Variants in SLC3A2 observed in about 807,000 individuals in gnomAD.
The protein encoded by SLC3A2 is solute carrier family 3 member 2, also known as amino acid transporter heavy chain SLC3A2.
SLC3A2 carries 32 observed loss-of-function variants against 48.5 expected under a neutral mutation model. The observed-to-expected ratio is 0.66, with a 90% CI of 0.50 to 0.89. The LOEUF (loss-of-function observed/expected upper bound fraction) is 0.89. Ranked by LOEUF, SLC3A2 falls within the 40% of genes least tolerant of loss-of-function variation. The pLI, the probability that SLC3A2 is intolerant of heterozygous loss-of-function variation, is 0.00. For synonymous variants in SLC3A2, 277 were observed against 288.8 expected, an observed-to-expected ratio of 0.96 and a Z score of 0.41; for missense variants, 587 against 680.7, an observed-to-expected ratio of 0.86 and a Z score of 1.53.
Position 62,881,223 on chromosome 11 carries a change from A to G in SLC3A2, c.200A>G (p.Glu67Gly). Residue 67 changes from glutamate to glycine, a missense_variant, in exon 1 of 9, where the codon GAG (glutamate) becomes GGG (glycine). By Grantham distance (98) the Glu-to-Gly change is moderately conservative. Coordinates refer to ENST00000338663, the MANE Select transcript of SLC3A2 (RefSeq NM_001013251.3). This position sits in a 1 kb window ranked among gnomAD's most constrained non-coding sequence, Gnocchi z 4.0. The part of the protein sequence containing the change: ...AAKFTGLSKE[E>G]LLKVAGSPGW... ...AAGTTCACGGGCCTGTCCAAGGAGGAGCTGCTGAAGGTGGCAGGCAGCCCC... is the reference window on the plus strand; with the variant it reads ...AAGTTCACGGGCCTGTCCAAGGAGGGGCTGCTGAAGGTGGCAGGCAGCCCC... 4 of 1,587,570 alleles carry G rather than the reference A, an allele frequency of 2.5e-6. No individual in the cohort carries two copies. The highest frequency in any genetic ancestry group is 3.4e-6 in the Non-Finnish European group (4 of 1,168,612).
intron 7 of SLC3A2, among the ~76,000 whole-genome samples, chr11:62,886,157 G>T (rs753315926): frequency 1.4e-4 from 21 of 152,106 alleles, no homozygotes; most frequent in Non-Finnish European, 2.8e-4. Flanking sequence ...AGGTGTGGTG[G>T]TGCACGCCTG....
chr11:62,871,542 A>G (rs1453615714), intron 1 of SLC3A2: 1 of 608,970 alleles, frequency 1.6e-6, no homozygotes, highest in Admixed American at 2.3e-5. Context: ...GCCCAACCAT[A>G]CTTTATATAA....
At chr11:62,856,358 G>C in exon 1 of SLC3A2, 1 of 1,612,482 alleles carries the variant, frequency 6.2e-7, no homozygotes, top group Non-Finnish European at 8.5e-7. Flanking sequence ...GGTGTCCAGG[G>C]TCTCAGCGCG....
rs368307037 is a variant in SLC3A2 at position 62,888,129 on chromosome 11, T to C, written c.1144-6T>C. On this transcript the variant is annotated splice_region_variant and splice_polypyrimidine_tract_variant and intron_variant, in intron 7 of 8. Transcript: ENST00000338663. ...TTTTTAAAGTCCTATTTTCTCTGCT[T>C]TTCAGCCTATGGAGGCTCCAGTCAT... 1 of 1,612,582 alleles carries C rather than the reference T, an allele frequency of 6.2e-7. No individual in the cohort carries two copies. The highest frequency in any genetic ancestry group is 8.5e-7 in the Non-Finnish European group (1 of 1,179,268).
chr11:62,887,976 A>G lies in SLC3A2; in HGVS notation c.1144-159A>G. On this transcript the variant is annotated intron_variant, in intron 7 of 8. Coordinates refer to ENST00000338663, the MANE Select transcript of SLC3A2 (RefSeq NM_001013251.3). The stretch of plus-strand genomic sequence containing the variant: ...CCCAGCTAATTTTTAAAAATTTTGT[A>G]GTAGAGATGAGGGCTCATTATGTTG... 4 of 610,340 alleles carry G rather than the reference A, an allele frequency of 6.6e-6. No individual in the cohort carries two copies. In the South Asian group the frequency reaches 8.0e-5, roughly 12 times the overall value. The allele number at this position is 610,340 out of a possible 1,614,324, so 37.8% of individuals were successfully genotyped here.
intron 1 of SLC3A2, chr11:62,856,420 T>G: frequency 6.5e-7 from 1 of 1,544,312 alleles, no homozygotes; most frequent in East Asian, 2.3e-5. Context: ...GAGGTCCCCT[T>G]TGGTGGGGCC....
At chr11:62,859,338 G>A (rs1038052586) in intron 1 of SLC3A2, among the ~76,000 whole-genome samples, 2 of 152,158 alleles carry the variant, frequency 1.3e-5, no homozygotes, top group Non-Finnish European at 2.9e-5. Context: ...ATGTTTCAGA[G>A]AGCACGGGGT....
intron 1 of SLC3A2, among the ~76,000 whole-genome samples, chr11:62,869,299 C>T (rs915493478): frequency 5.9e-5 from 9 of 151,762 alleles, no homozygotes; most frequent in South Asian, 2.1e-4. Flanking sequence ...CCGAGATGGG[C>T]GGATCACAAG....
intron 1 of SLC3A2, among the ~76,000 whole-genome samples, chr11:62,858,141 G>A (rs1296953151): frequency 6.6e-6 from 1 of 152,178 alleles, no homozygotes; most frequent in African/African-American, 2.4e-5. Context: ...GATTGCCATA[G>A]TAGTTTAGGC....
In SLC3A2 at chr11:62,881,369, A is replaced by G. The variant is rs756841198; in HGVS notation, c.346A>G (p.Lys116Glu). The change falls in exon 1 of 9, where the codon AAG (lysine) becomes GAG (glutamate). Residue 116 changes from lysine (K) to glutamate (E), a missense_variant. Physicochemically the swap from Lys to Glu is moderately conservative, Grantham distance 56. Coordinates refer to ENST00000338663, the MANE Select transcript of SLC3A2 (RefSeq NM_001013251.3). The surrounding 1 kb of genome is among the most constrained non-coding windows in gnomAD (Gnocchi z 4.0). ...GCGTTGTCGCGAGCTACCGGCGCAG[A>G]AGTGGTGGCACACGGGCGCCCTCTA... ...APRCRELPAQ[K>E]WWHTGALYRI... The G allele has an allele frequency of 2.5e-6, 4 of 1,597,970 alleles. No homozygotes were observed. In the South Asian group the frequency reaches 4.4e-5, roughly 18 times the overall value.
chr11:62,881,054 G>A lies in SLC3A2; in HGVS notation c.31G>A (p.Glu11Lys). The A allele has an allele frequency of 6.3e-7, 1 of 1,592,222 alleles. No homozygotes were observed. The change falls in exon 1 of 9, where the codon GAG becomes AAG. Residue 11 changes from glutamate (E) to lysine (K), a missense_variant. Around this residue, in one of 3 missense-constraint regions of SLC3A2, gnomAD observed 409 missense variants for 446.7 expected, o/e 0.92. Coordinates refer to ENST00000338663, the MANE Select transcript of SLC3A2 (RefSeq NM_001013251.3). This position sits in a 1 kb window ranked among gnomAD's most constrained non-coding sequence, Gnocchi z 4.0. ...CCAGGACACCGAGGTGGATATGAAG[G>A]AGGTGGAGCTGAATGAGTTAGAGCC... MSQDTEVDMK[E>K]VELNELEPEK...
At chr11:62,864,112 T>A (rs2134977039) in intron 1 of SLC3A2, among the ~76,000 whole-genome samples, 1 of 152,274 alleles carries the variant, frequency 6.6e-6, no homozygotes, top group Non-Finnish European at 1.5e-5. Context: ...GCATTCTTTT[T>A]GTCTTTAATG....
chr11:62,875,349 A>G (rs1289677099), intron 1 of SLC3A2, among the ~76,000 whole-genome samples: 1 of 152,118 alleles, frequency 6.6e-6, no homozygotes, highest in Admixed American at 6.6e-5. Flanking sequence ...GATCAAGACC[A>G]TCCTGGCTAA....
chr11:62,869,440 C>T (rs146101176), intron 1 of SLC3A2, among the ~76,000 whole-genome samples: 11,155 of 143,584 alleles, frequency 0.078, 472 homozygotes, highest in East Asian at 0.15. Context: ...AGGAGAATGG[C>T]ATGAACCCAG....
chr11:62,883,045 G>A (rs1484132805), intron 3 of SLC3A2, 46 bp downstream of exon 3: 2 of 1,563,294 alleles, frequency 1.3e-6, no homozygotes, highest in African/African-American at 1.4e-5. Flanking sequence ...TGCTGGGGCT[G>A]GGACAGTCCT....
At chr11:62,856,917 G>A (rs541306783) in intron 1 of SLC3A2, among the ~76,000 whole-genome samples, 3 of 150,266 alleles carry the variant, frequency 2.0e-5, no homozygotes, top group Admixed American at 6.7e-5. Context: ...TCCACCTCCC[G>A]GGTTCAAGCA....
At chr11:62,872,634 C>CTCT (rs1197118988) in intron 1 of SLC3A2, among the ~76,000 whole-genome samples, 1 of 152,210 alleles carries the variant, frequency 6.6e-6, no homozygotes, top group Non-Finnish European at 1.5e-5. Flanking sequence ...CGGAGTTTCA[C>CTCT]TCTTCTTGGC....
In SLC3A2 at chr11:62,888,666, G is replaced by A; in HGVS notation, c.1563G>A (p.Leu521=). ...TGAAACTGGAGCCTCACGAAGGGCT[G>A]CTGCTCCGCTTCCCCTACGCGGCCT... ...ERLKLEPHEG[L]LLRFPYAA is the part of the protein sequence containing the mutation. The change falls in exon 9 of 9, where the codon CTG becomes CTA. Residue 521 remains leucine, a synonymous_variant. Transcript: ENST00000338663. The A allele has an allele frequency of 1.9e-6, 3 of 1,600,326 alleles. No individual in the cohort carries two copies. Among genetic ancestry groups the A allele is most frequent in the Non-Finnish European group, 2.5e-6 (3 of 1,178,120 alleles).
Position 62,882,071 on chromosome 11 carries a change from G to A in SLC3A2, c.598+5G>A, listed in dbSNP as rs1422012240. On this transcript the variant is annotated splice_donor_5th_base_variant and intron_variant, in intron 2 of 8. Transcript: ENST00000338663. ...TGCAATCGGCTAAAAAAAAGAGTGG[G>A]TATCCTGGGGTTCCCAAGGAAACAG... The A allele has an allele frequency of 6.2e-7, 1 of 1,613,966 alleles. No homozygotes were observed. The highest frequency in any genetic ancestry group is 8.5e-7 in the Non-Finnish European group (1 of 1,179,988).
Sources: gnomAD v4.1 joint callset for allele counts (sites outside exome capture counted in the v4.1 genomes callset) on GRCh38, gnomAD v4.1.1 for gene constraint, gnomAD v4.1.1 regional missense constraint, Gnocchi (gnomAD v3.1) non-coding constraint, MANE v1.5 for transcripts, NCBI Gene and HGNC (gene_info 2026-07-23, HGNC 2026-07-21) for gene names.